KLHDC4: variants seen among roughly 807,000 people sequenced by gnomAD.
KLHDC4 encodes the protein kelch domain containing 4.
Under a neutral mutation model 62.4 loss-of-function variants are expected in KLHDC4, and 90 were observed. The observed-to-expected ratio is 1.44, with a 90% CI of 1.22 to 1.72. The LOEUF is 1.72. Ranked by LOEUF, KLHDC4 falls within the 40% of genes most tolerant of loss-of-function variation. KLHDC4 has a pLI of 0.00. For synonymous variants in KLHDC4, 386 were observed against 284.4 expected, an observed-to-expected ratio of 1.36 and a Z score of -3.59; for missense variants, 1,025 against 699.7, an observed-to-expected ratio of 1.47 and a Z score of -5.25.
chr16:87,703,928 G>C (rs1218991212), downstream of KLHDC4, among the ~76,000 whole-genome samples: 1 of 152,064 alleles, frequency 6.6e-6, no homozygotes, highest in African/African-American at 2.4e-5. Flanking sequence ...CTATGAAAAC[G>C]AGACTGGCCT....
At chr16:87,762,431 G>A (rs1042686717) in intron 1 of KLHDC4, among the ~76,000 whole-genome samples, 3 of 152,052 alleles carry the variant, frequency 2.0e-5, no homozygotes, top group Non-Finnish European at 4.4e-5. Context: ...CTTCCACTTA[G>A]ACAAGCCCAT....
intron 7 of KLHDC4, among the ~76,000 whole-genome samples, chr16:87,719,418 T>A (rs1430247370): frequency 1.3e-5 from 2 of 152,212 alleles, no homozygotes. Context: ...CAGGGTTAAA[T>A]GGATTAAGGG....
intron 10 of KLHDC4, 120 bp downstream of exon 10, chr16:87,709,145 G>A: frequency 1.6e-6 from 2 of 1,284,864 alleles, no homozygotes; most frequent in South Asian, 2.7e-5. Flanking sequence ...CAGGAGCACA[G>A]GCGAGAAGTG....
At chr16:87,753,837 G>A (rs1173773170) in intron 4 of KLHDC4, among the ~76,000 whole-genome samples, 1 of 151,450 alleles carries the variant, frequency 6.6e-6, no homozygotes, top group East Asian at 2.0e-4. Flanking sequence ...GCCAAGCGTG[G>A]TGGCGGGTAC....
At chr16:87,720,105 T>A (rs1002683786) in intron 7 of KLHDC4, among the ~76,000 whole-genome samples, 1 of 152,008 alleles carries the variant, frequency 6.6e-6, no homozygotes, top group Non-Finnish European at 1.5e-5. Flanking sequence ...CGCCGACCCA[T>A]TTCAATCATC....
intron 1 of KLHDC4, among the ~76,000 whole-genome samples, chr16:87,764,876 G>A (rs1362163715): frequency 1.5e-4 from 22 of 150,996 alleles, no homozygotes; most frequent in Admixed American, 1.5e-3. Flanking sequence ...GAGTGTGAGG[G>A]AAAAGTCCAA....
intron 8 of KLHDC4, among the ~76,000 whole-genome samples, chr16:87,712,595 G>A (rs988016474): frequency 6.6e-6 from 1 of 152,268 alleles, no homozygotes; most frequent in African/African-American, 2.4e-5. Context: ...TCACTGGGGT[G>A]TAGGCTGGAA....
downstream of KLHDC4, among the ~76,000 whole-genome samples, chr16:87,706,666 C>A (rs1171944924): frequency 6.6e-6 from 1 of 152,216 alleles, no homozygotes; most frequent in Non-Finnish European, 1.5e-5. Flanking sequence ...GTGGGCGGGG[C>A]CCTTGGGGCC....
At chr16:87,745,297 C>T (rs567171910) in intron 5 of KLHDC4, among the ~76,000 whole-genome samples, 3 of 151,972 alleles carry the variant, frequency 2.0e-5, no homozygotes, top group African/African-American at 4.8e-5. Flanking sequence ...GCACCCGCCC[C>T]GGGGCCACCT....
downstream of KLHDC4, among the ~76,000 whole-genome samples, chr16:87,706,154 C>T (rs1417004191): frequency 5.6e-5 from 7 of 124,168 alleles, no homozygotes; most frequent in African/African-American, 1.3e-4. Flanking sequence ...GGGGGGTCAG[C>T]GTAATGCAAA....
At chr16:87,720,628 C>G (rs374595558) in intron 7 of KLHDC4, among the ~76,000 whole-genome samples, 6 of 152,252 alleles carry the variant, frequency 3.9e-5, no homozygotes, top group Non-Finnish European at 8.8e-5. Context: ...GGACCCATGA[C>G]GAGAGGACCC....
rs2043782325 is a variant in KLHDC4, at chr16:87,750,629, C to A, written c.370-1820G>T. ...ATGAGAGTGCCAACCCGTCTAAGGT[C>A]AAGTGCGCCTCGGGTGGGGCAGACA... On this transcript the variant is annotated intron_variant, in intron 4 of 11. Coordinates refer to ENST00000270583, the MANE Select transcript of KLHDC4 (RefSeq NM_017566.4). Among the ~76,000 whole-genome samples the A allele has an allele frequency of 3.9e-5, 6 of 152,236 alleles. 1 individual carries two copies. The highest frequency in any genetic ancestry group is 3.9e-4 in the Admixed American group (6 of 15,286).
chr16:87,713,473 T>C (rs756754498), intron 8 of KLHDC4, among the ~76,000 whole-genome samples: 20 of 152,216 alleles, frequency 1.3e-4, no homozygotes, highest in Non-Finnish European at 2.1e-4. Context: ...GCTGGGATTA[T>C]AGGTATGAGC....
intron 4 of KLHDC4, among the ~76,000 whole-genome samples, chr16:87,749,604 G>A (rs1354115216): frequency 6.7e-6 from 1 of 149,764 alleles, no homozygotes; most frequent in Non-Finnish European, 1.5e-5. Context: ...TCCTTTTAGA[G>A]ACCACGTCTT....
chr16:87,758,439 A>T (rs1031291898), intron 2 of KLHDC4, among the ~76,000 whole-genome samples: 1 of 152,228 alleles, frequency 6.6e-6, no homozygotes, highest in African/African-American at 2.4e-5. Context: ...AGGTGAAGGA[A>T]GTCAGTCACA....
At chr16:87,704,858 C>T (rs963289399), downstream of KLHDC4, among the ~76,000 whole-genome samples, 3 of 152,206 alleles carry the variant, frequency 2.0e-5, no homozygotes, top group Admixed American at 1.3e-4. Flanking sequence ...ACCCCAAACA[C>T]GAAAAAAGCC....
exon 1 of KLHDC4, chr16:87,699,177 C>G (rs1488846913): frequency 1.3e-5 from 2 of 152,284 alleles, no homozygotes; most frequent in African/African-American, 4.8e-5. Flanking sequence ...TGTCTGTGCC[C>G]ACGGCTGGCC....
chr16:87,729,076 C>A (rs1163506388), intron 6 of KLHDC4, among the ~76,000 whole-genome samples: 2 of 152,146 alleles, frequency 1.3e-5, no homozygotes, highest in Non-Finnish European at 2.9e-5. Flanking sequence ...TGTACCCAGC[C>A]TTAAATACTT....
chr16:87,725,190 G>A (rs1159954842), intron 7 of KLHDC4, among the ~76,000 whole-genome samples: 1 of 152,156 alleles, frequency 6.6e-6, no homozygotes, highest in African/African-American at 2.4e-5. Context: ...GGTGGGCAGC[G>A]GGGCCGAGTG....
Sources: gnomAD v4.1 joint callset for allele counts (sites outside exome capture counted in the v4.1 genomes callset) on GRCh38, gnomAD v4.1.1 for gene constraint, MANE v1.5 for transcripts, NCBI Gene and HGNC (gene_info 2026-07-23, HGNC 2026-07-21) for gene names.